The following ADCY2 variants were observed in gnomAD, a reference collection of about 807,000 sequenced individuals.
ADCY2 encodes the protein adenylate cyclase 2.
ADCY2 carries 31 observed loss-of-function variants against 125.2 expected under a neutral mutation model. The ratio of observed to expected loss-of-function variants is 0.25; its 90% CI spans 0.19 to 0.33. The LOEUF is 0.33. Among genes scored for constraint, ADCY2 ranks in the 10% least tolerant of loss-of-function variants. The pLI is 1.00. For synonymous variants in ADCY2, 512 were observed against 548.4 expected, an observed-to-expected ratio of 0.93 and a Z score of 0.93; for missense variants, 904 against 1,418.2, an observed-to-expected ratio of 0.64 and a Z score of 5.82.
At chr5:7,755,252 A>T (rs1742953007) in intron 15 of ADCY2, among the ~76,000 whole-genome samples, 2 of 152,296 alleles carry the variant, frequency 1.3e-5, no homozygotes, top group South Asian at 4.1e-4. Context: ...GCAGTGGCTC[A>T]AGCTCCCTGG....
At chr5:7,449,125 C>T (rs941147365) in intron 2 of ADCY2, among the ~76,000 whole-genome samples, 2 of 152,110 alleles carry the variant, frequency 1.3e-5, no homozygotes, top group Non-Finnish European at 2.9e-5. Context: ...CCCTCTGCAA[C>T]CTTGCCAGCA....
intron 19 of ADCY2, among the ~76,000 whole-genome samples, chr5:7,789,273 T>C (rs12657594): frequency 0.36 from 54,466 of 152,118 alleles, 9,982 homozygotes; most frequent in Admixed American, 0.49. Flanking sequence ...AAAAATGCAC[T>C]CTCTCTACAG....
At chr5:7,463,768 A>G (rs1466184109) in intron 2 of ADCY2, among the ~76,000 whole-genome samples, 2 of 152,192 alleles carry the variant, frequency 1.3e-5, no homozygotes, top group Non-Finnish European at 2.9e-5. Context: ...GAGAAAGAGA[A>G]TGAATTTGAT....
intron 19 of ADCY2, among the ~76,000 whole-genome samples, chr5:7,788,302 C>T (rs1257412074): frequency 6.6e-6 from 1 of 152,146 alleles, no homozygotes; most frequent in Admixed American, 6.5e-5. Flanking sequence ...GCTTCAGCCT[C>T]TTGAGTAACT....
chr5:7,630,137 C>T (rs2126662313), intron 4 of ADCY2, among the ~76,000 whole-genome samples: 1 of 152,244 alleles, frequency 6.6e-6, no homozygotes, highest in African/African-American at 2.4e-5. Flanking sequence ...TGTGGGGATT[C>T]TGGCTTTCTG....
At chr5:7,611,280 A>T (rs1162206148) in intron 3 of ADCY2, 4 of 152,228 alleles carry the variant, frequency 2.6e-5, no homozygotes, top group Non-Finnish European at 4.4e-5. Context: ...AATAATGAGA[A>T]AAGTAGTTAA....
chr5:7,610,225 A>C (rs1561123786), intron 3 of ADCY2, among the ~76,000 whole-genome samples: 1 of 152,138 alleles, frequency 6.6e-6, no homozygotes, highest in Non-Finnish European at 1.5e-5. Flanking sequence ...GCAAGGGAGA[A>C]CTTGGGGGAA....
chr5:7,416,766 C>T (rs1025186948), intron 2 of ADCY2, among the ~76,000 whole-genome samples: 10 of 152,244 alleles, frequency 6.6e-5, no homozygotes, highest in Non-Finnish European at 1.2e-4. Flanking sequence ...CATCCTGTTG[C>T]GTGCATACTG....
At chr5:7,635,021 G>T (rs1342320680) in intron 4 of ADCY2, among the ~76,000 whole-genome samples, 1 of 152,178 alleles carries the variant, frequency 6.6e-6, no homozygotes, top group African/African-American at 2.4e-5. Context: ...CCCAGCAAAA[G>T]AAGTGGGAAC....
chr5:7,610,166 T>C (rs964640554), intron 3 of ADCY2, among the ~76,000 whole-genome samples: 1 of 152,170 alleles, frequency 6.6e-6, no homozygotes. Context: ...TCTTTGGGCA[T>C]TGGTGTTATT....
intron 11 of ADCY2, among the ~76,000 whole-genome samples, 197 bp from the exon 12 acceptor site, chr5:7,716,960 T>G (rs1001493171): frequency 6.6e-6 from 1 of 152,220 alleles, no homozygotes; most frequent in South Asian, 2.1e-4. Flanking sequence ...GAATTTGAAA[T>G]GTTTCCAACA....
chr5:7,771,252 C>T (rs566828725), intron 17 of ADCY2, among the ~76,000 whole-genome samples: 182 of 152,306 alleles, frequency 1.2e-3, no homozygotes, highest in African/African-American at 4.2e-3. Context: ...TCTGTTGATT[C>T]TATTGTTTTA....
chr5:7,769,596 G>A lies in ADCY2; in HGVS notation c.2214+2790G>A, dbSNP rs187639028. 4.9e-4 allele frequency among the ~76,000 whole-genome samples: 75 copies of A among 152,204 alleles called. No homozygotes were observed. The East Asian group carries it at 0.011, about 22-fold the overall frequency. On this transcript the variant is annotated intron_variant, in intron 17 of 24. Transcript: ENST00000338316. ...TATTTCCCAATTTTTAACATCTGGT[G>A]TATTATTTCTCTAGTGGGAAAACAT...
intron 3 of ADCY2, 48 bp from the exon 4 acceptor site, chr5:7,626,119 C>A (rs558330322): frequency 6.3e-7 from 1 of 1,575,206 alleles, no homozygotes; most frequent in Non-Finnish European, 8.6e-7. Flanking sequence ...ATTGTATTCA[C>A]AAGTGAGAAA....
chr5:7,729,956 C>T (rs4631147), intron 14 of ADCY2, among the ~76,000 whole-genome samples: 150,962 of 152,034 alleles, frequency 0.99, 74,954 homozygotes, highest in Middle Eastern at 1. Flanking sequence ...AGTGGTGAAG[C>T]CTGAGATTTC....
In ADCY2 at chr5:7,531,767, A is replaced by G. The variant is rs73046383; in HGVS notation, c.570+10868A>G. Among the ~76,000 whole-genome samples, 179 of 152,350 alleles carry G rather than the reference A, an allele frequency of 1.2e-3. 3 individuals carry two copies. The highest frequency in any genetic ancestry group is 6.8e-3 in the Middle Eastern group (2 of 294). ...TGTATTTAGGGGCCACTCTAAATCC[A>G]AGATGATCTCATTGCAGCATACTTA... On this transcript the variant is annotated intron_variant, in intron 3 of 24. Coordinates refer to ENST00000338316, the MANE Select transcript of ADCY2 (RefSeq NM_020546.3).
chr5:7,507,795 G>A (rs1166916723), intron 2 of ADCY2, among the ~76,000 whole-genome samples: 1 of 152,140 alleles, frequency 6.6e-6, no homozygotes, highest in Non-Finnish European at 1.5e-5. Flanking sequence ...ACCTCATGGT[G>A]TTCCATTAAC....
At chr5:7,499,964 A>G (rs918747688) in intron 2 of ADCY2, among the ~76,000 whole-genome samples, 5 of 152,260 alleles carry the variant, frequency 3.3e-5, no homozygotes, top group Admixed American at 2.0e-4. Flanking sequence ...ACTTAACTCT[A>G]TGCTTTTTAC....
At chr5:7,652,960 A>G (rs1036314053) in intron 4 of ADCY2, among the ~76,000 whole-genome samples, 3 of 152,260 alleles carry the variant, frequency 2.0e-5, no homozygotes, top group African/African-American at 7.2e-5. Context: ...AAAAAAAGAA[A>G]AAAGAGGAAG....
Sources: allele counts gnomAD v4.1 joint callset (sites outside exome capture counted in the v4.1 genomes callset), GRCh38; gene constraint gnomAD v4.1.1; transcripts MANE v1.5; gene names NCBI Gene and HGNC (gene_info 2026-07-23, HGNC 2026-07-21).